The following ANKRD11 variants were observed in gnomAD, a reference collection of about 807,000 sequenced individuals.
ANKRD11 encodes the protein ankyrin repeat domain-containing protein 11.
In ANKRD11, 17 loss-of-function variants were observed where a neutral mutation model predicts 195.7. The ratio of observed to expected loss-of-function variants is 0.09; its 90% CI spans 0.06 to 0.13. The LOEUF (loss-of-function observed/expected upper bound fraction) is 0.13. Among genes scored for constraint, ANKRD11 ranks in the 10% least tolerant of loss-of-function variants. ANKRD11 has a pLI of 1.00. For synonymous variants in ANKRD11, 1,953 were observed against 1,528.1 expected (o/e 1.28, Z -6.49); for missense variants, 3,735 against 3,566.1 (o/e 1.05, Z -1.21).
intron 2 of ANKRD11, among the ~76,000 whole-genome samples, chr16:89,413,683 A>G (rs536486598): frequency 6.6e-6 from 1 of 152,312 alleles, no homozygotes; most frequent in African/African-American, 2.4e-5. Flanking sequence ...AATCCCTTAC[A>G]GACCTGCAAA....
rs139458665 is a variant in ANKRD11 at position 89,340,423 on chromosome 16, C to T, written c.-59-23345G>A. 2.8e-3 allele frequency among the ~76,000 whole-genome samples: 420 copies of T among 152,262 alleles called. 4 individuals carry two copies. The highest frequency in any genetic ancestry group is 9.4e-3 in the African/African-American group (390 of 41,556). ...CTGAGTAGCTGAGATTACAGGCATG[C>T]GCCACCATGCCTGGCTAGTTTTTGT... On this transcript the variant is annotated intron_variant, in intron 2 of 12. Coordinates refer to ENST00000301030, the MANE Select transcript of ANKRD11 (RefSeq NM_013275.6).
intron 2 of ANKRD11, among the ~76,000 whole-genome samples, chr16:89,332,301 G>C (rs571477948): frequency 6.6e-6 from 1 of 152,148 alleles, no homozygotes; most frequent in African/African-American, 2.4e-5. Flanking sequence ...GAAACACCTG[G>C]TGAACGCTCT....
At chr16:89,276,468 C>T (rs1039539825) in intron 9 of ANKRD11, among the ~76,000 whole-genome samples, 5 of 152,226 alleles carry the variant, frequency 3.3e-5, no homozygotes, top group Admixed American at 6.5e-5. Context: ...CTCCAGGTCA[C>T]GTCACCTATG....
chr16:89,308,705 C>T (rs141083760), intron 3 of ANKRD11, among the ~76,000 whole-genome samples: 105 of 152,046 alleles, frequency 6.9e-4, no homozygotes, highest in Middle Eastern at 3.4e-3. Context: ...CAGTTTTGTT[C>T]GTAATACAAA....
At chr16:89,389,427 A>T (rs910627855) in intron 2 of ANKRD11, among the ~76,000 whole-genome samples, 1 of 152,212 alleles carries the variant, frequency 6.6e-6, no homozygotes, top group African/African-American at 2.4e-5. Flanking sequence ...GGAGAAAAAA[A>T]AGTCAATCAA....
At chr16:89,380,164 G>C (rs544432412) in intron 2 of ANKRD11, among the ~76,000 whole-genome samples, 5 of 152,112 alleles carry the variant, frequency 3.3e-5, no homozygotes, top group African/African-American at 1.2e-4. Context: ...CCAGGCTGGA[G>C]AGCGATGGCG....
In ANKRD11 at chr16:89,279,637, G is replaced by A; in HGVS notation, c.6905C>T (p.Pro2302Leu). 8 of 1,438,098 alleles carry A rather than the reference G, an allele frequency of 5.6e-6. No homozygotes were observed. The highest frequency in any genetic ancestry group is 7.3e-6 in the Non-Finnish European group (8 of 1,100,592). 89.1% of individuals were successfully genotyped at this position (1,438,098 alleles called of 1,614,324 possible). A position where few individuals can be genotyped will look rare whatever the true frequency, so the allele number is the denominator to read the frequency against. The change falls in exon 9 of 13, where the codon CCA becomes CTA. Residue 2302 changes from proline to leucine, a missense_variant. By Grantham distance (98) the Pro-to-Leu change is moderately conservative (BLOSUM62 -3). Coordinates refer to ENST00000301030, the MANE Select transcript of ANKRD11 (RefSeq NM_013275.6). The surrounding 1 kb of genome is among the most constrained non-coding windows in gnomAD (Gnocchi z 5.6). ...GATGCCGCCAGGAGGGCCTTCGGCT[G>A]GGGCGGCGGCACGGGAGGCCTCAGT... Reference protein sequence around the residue: ...DDTEASRAAAPAEGPPGGIQP... With the variant: ...DDTEASRAAALAEGPPGGIQP...
At chr16:89,310,831 T>G (rs1163502542) in intron 3 of ANKRD11, among the ~76,000 whole-genome samples, 1 of 152,266 alleles carries the variant, frequency 6.6e-6, no homozygotes, top group Non-Finnish European at 1.5e-5. Context: ...TTTGTGCAGA[T>G]GTCTTGGGCT....
At chr16:89,454,615 G>C (rs1442310273) in intron 1 of ANKRD11, among the ~76,000 whole-genome samples, 1 of 151,554 alleles carries the variant, frequency 6.6e-6, no homozygotes, top group Non-Finnish European at 1.5e-5. Context: ...GCTCCCCTGG[G>C]TGCTTCCAGG....
chr16:89,371,117 G>A (rs574738596), intron 2 of ANKRD11, among the ~76,000 whole-genome samples: 1 of 152,306 alleles, frequency 6.6e-6, no homozygotes, highest in Admixed American at 6.5e-5. Flanking sequence ...CGCCGAGGGG[G>A]AAGACGGGAC....
intron 3 of ANKRD11, 135 bp downstream of exon 3, chr16:89,316,798 A>G: frequency 9.3e-7 from 1 of 1,077,840 alleles, no homozygotes; most frequent in South Asian, 1.4e-5. Context: ...CACCCTCTCC[A>G]CTCCTGGCTG....
intron 1 of ANKRD11, among the ~76,000 whole-genome samples, chr16:89,451,396 T>C (rs1453451230): frequency 6.6e-6 from 1 of 150,718 alleles, no homozygotes; most frequent in East Asian, 1.9e-4. Flanking sequence ...ATTATGGTGA[T>C]GATTTCACAA....
chr16:89,462,118 C>T lies in ANKRD11; in HGVS notation c.-145+28127G>A, dbSNP rs778726125. On this transcript the variant is annotated intron_variant, in intron 1 of 12. Transcript: ENST00000301030. ...CTCTCCCTCTCTTTCCACGGTCTCCCTCTCATGCTGAGTCGAAGCTGGACT... is the reference window on the plus strand; with the variant it reads ...CTCTCCCTCTCTTTCCACGGTCTCCTTCTCATGCTGAGTCGAAGCTGGACT... Among the ~76,000 whole-genome samples, 296 of 151,690 alleles carry T rather than the reference C, an allele frequency of 2.0e-3. 1 individual carries two copies. The highest frequency in any genetic ancestry group is 2.8e-3 in the Non-Finnish European group (190 of 67,882).
chr16:89,486,534 G>A (rs113934333), intron 1 of ANKRD11, among the ~76,000 whole-genome samples: 4,282 of 152,120 alleles, frequency 0.028, 95 homozygotes, highest in Middle Eastern at 0.058. Context: ...AGTTTGGGGG[G>A]ATCTGCATGA....
intron 1 of ANKRD11, among the ~76,000 whole-genome samples, chr16:89,476,129 C>G (rs921837905): frequency 2.0e-5 from 3 of 150,892 alleles, no homozygotes; most frequent in African/African-American, 7.3e-5. Context: ...ATTATGAGAA[C>G]AAAAAAAATT....
chr16:89,268,729 C>G (rs2032855102), intron 12 of ANKRD11, 66 bp from the exon 13 acceptor site: 1 of 1,530,988 alleles, frequency 6.5e-7, no homozygotes, highest in African/African-American at 1.4e-5. Context: ...CTCTGCCGAC[C>G]TCAGCTGCCA....
intron 1 of ANKRD11, among the ~76,000 whole-genome samples, chr16:89,463,083 C>T (rs531968977): frequency 3.3e-5 from 5 of 151,032 alleles, no homozygotes; most frequent in East Asian, 2.0e-4. Flanking sequence ...CCAGCCGCCC[C>T]GCCCGGGAGG....
intron 1 of ANKRD11, among the ~76,000 whole-genome samples, chr16:89,487,301 T>C (rs1461066225): frequency 2.6e-5 from 4 of 152,132 alleles, no homozygotes; most frequent in Admixed American, 6.5e-5. Flanking sequence ...TTACACAGAG[T>C]AATGGACAGA....
chr16:89,325,354 C>T (rs1031893892), intron 2 of ANKRD11, among the ~76,000 whole-genome samples: 1 of 152,042 alleles, frequency 6.6e-6, no homozygotes, highest in Non-Finnish European at 1.5e-5. Context: ...AGGAGGATCA[C>T]TTGAGCCCAG....
Sources: allele counts gnomAD v4.1 joint callset (sites outside exome capture counted in the v4.1 genomes callset), GRCh38; gene constraint gnomAD v4.1.1; non-coding constraint Gnocchi (gnomAD v3.1); transcripts MANE v1.5; gene names NCBI Gene and HGNC (gene_info 2026-07-23, HGNC 2026-07-21).